Variants in GTF2IRD2 observed in about 807,000 individuals in gnomAD.
GTF2IRD2 encodes the protein general transcription factor II-I repeat domain-containing protein 2A.
A neutral mutation model predicts 49.2 loss-of-function variants in GTF2IRD2; 8 were observed. That is an observed-to-expected ratio of 0.16 (90% CI 0.10 to 0.29). GTF2IRD2 has a LOEUF of 0.29. GTF2IRD2 is among the 10% of genes least tolerant of loss of function. The pLI, the probability that GTF2IRD2 is intolerant of heterozygous loss-of-function variation, is 1.00. For missense variants in GTF2IRD2, 130 were observed against 725.7 expected, an observed-to-expected ratio of 0.18 and a Z score of 9.43; for synonymous variants, 47 against 289.7, an observed-to-expected ratio of 0.16 and a Z score of 8.51.
intron 10 of GTF2IRD2, among the ~76,000 whole-genome samples, chr7:74,809,828 CT>C (rs1416301958): frequency 7.8e-6 from 1 of 127,740 alleles, no homozygotes; most frequent in Non-Finnish European, 1.7e-5. Flanking sequence ...CAGTCTCACT[CT>C]GTCACCCAGG....
At chr7:74,815,790 GA>G in intron 8 of GTF2IRD2, among the ~76,000 whole-genome samples, 1 of 35,108 alleles carries the variant, frequency 2.8e-5, no homozygotes, top group South Asian at 1.0e-3. Flanking sequence ...AGGAAAGAAA[GA>G]AAGAAGGAAA....
At chr7:74,799,046 CT>C (rs1797283659) in intron 15 of GTF2IRD2, 1 of 122,558 alleles carries the variant, frequency 8.2e-6, no homozygotes, top group Non-Finnish European at 1.7e-5. Context: ...GGAGTCTTAC[CT>C]TGTTGCCCAG....
At position 74,841,524 on chromosome 7, in the gene GTF2IRD2, G is replaced by C. The variant is rs1482186011; in HGVS notation, c.-5-5141C>G. 6.7e-5 allele frequency among the ~76,000 whole-genome samples: 9 copies of C among 133,984 alleles called. 1 individual carries two copies. The highest frequency in any genetic ancestry group is 1.5e-5 in the Non-Finnish European group (1 of 66,332). 87.9% of individuals were successfully genotyped at this position (133,984 alleles called of 152,430 possible). On this transcript the variant is annotated intron_variant, in intron 1 of 15. Transcript: ENST00000451013. ...ACAATGTCACCCAGGCTGGAGTGCAGTGGCTTGATCATGGCTCCCTGCAGC... is the reference window on the plus strand; with the variant it reads ...ACAATGTCACCCAGGCTGGAGTGCACTGGCTTGATCATGGCTCCCTGCAGC...
In GTF2IRD2 at chr7:74,810,905, G is replaced by T. The variant is rs1798091413; in HGVS notation, c.796C>A (p.Pro266Thr). 2.3e-6 allele frequency: 1 copy of T among 439,384 alleles called. No homozygotes were observed. The highest frequency in any genetic ancestry group is 3.3e-5 in the South Asian group (1 of 30,270). 27.2% of individuals were successfully genotyped at this position (439,384 alleles called of 1,614,324 possible). The change falls in exon 10 of 16, where the codon CCA becomes ACA. Residue 266 changes from proline (P) to threonine (T), a missense_variant. Coordinates refer to ENST00000451013, the MANE Select transcript of GTF2IRD2 (RefSeq NM_173537.5). ...TSNEVIEMEL[P>T]MEDSTPLVPS... ...GCTGCATTTTTCTAACCTTCCATTG[G>T]TAATTCCATTTCTATTACTTCATTG...
chr7:74,824,115 G>A (rs1487321319), intron 4 of GTF2IRD2, among the ~76,000 whole-genome samples: 3 of 125,178 alleles, frequency 2.4e-5, no homozygotes, highest in African/African-American at 9.4e-5. Flanking sequence ...GCAGTGAGCC[G>A]AGATTGAGCC....
chr7:74,845,291 ATTAT>A (rs1554422332), intron 1 of GTF2IRD2, among the ~76,000 whole-genome samples: 1 of 152,292 alleles, frequency 6.6e-6, no homozygotes, highest in African/African-American at 2.4e-5. Flanking sequence ...TTTCATAATA[ATTAT>A]TATCATTTTT....
chr7:74,805,247 A>T, intron 12 of GTF2IRD2, among the ~76,000 whole-genome samples: 1 of 24,766 alleles, frequency 4.0e-5, no homozygotes. Flanking sequence ...CCCCGTTTCT[A>T]CTAAAAATAC....
chr7:74,830,313 G>A (rs1314987131), intron 3 of GTF2IRD2, among the ~76,000 whole-genome samples: 1 of 141,120 alleles, frequency 7.1e-6, no homozygotes, highest in Non-Finnish European at 1.5e-5. Flanking sequence ...GACCAGGCTG[G>A]ACAGCATGGG....
rs1332852783 is a variant in GTF2IRD2 at position 74,816,105 on chromosome 7, G to A, written c.671-3289C>T. Among the ~76,000 whole-genome samples, 2 of 38,764 alleles carry A rather than the reference G, an allele frequency of 5.2e-5. 1 individual carries two copies. The highest frequency in any genetic ancestry group is 8.6e-5 in the Non-Finnish European group (2 of 23,222). The allele number at this position is 38,764 out of a possible 152,430, so 25.4% of individuals were successfully genotyped here. On this transcript the variant is annotated intron_variant, in intron 8 of 15. Transcript: ENST00000451013. ...TGAGAACCACAGATCTAGCCCAACAGCTAGTGAGGAAGGAAACTCGGCCCC... is the reference window on the plus strand; with the variant it reads ...TGAGAACCACAGATCTAGCCCAACAACTAGTGAGGAAGGAAACTCGGCCCC...
At chr7:74,844,790 C>T (rs1487349104) in intron 1 of GTF2IRD2, among the ~76,000 whole-genome samples, 1 of 56,848 alleles carries the variant, frequency 1.8e-5, no homozygotes, top group Admixed American at 2.8e-4. Flanking sequence ...CGGGCTCAAG[C>T]AATCCTCGTG....
At chr7:74,833,221 T>TGTGTG in intron 2 of GTF2IRD2, among the ~76,000 whole-genome samples, 1 of 112,016 alleles carries the variant, frequency 8.9e-6, no homozygotes, top group African/African-American at 3.4e-5. Flanking sequence ...CCTGGCTAAT[T>TGTGTG]TGTGTGTGTG....
intron 1 of GTF2IRD2, 144 bp from the exon 2 acceptor site, chr7:74,836,527 G>T (rs1394638455): frequency 1.5e-6 from 1 of 663,176 alleles, no homozygotes; most frequent in Non-Finnish European, 2.7e-6. Flanking sequence ...TTAGTGACTT[G>T]CCCATGAGCT....
At chr7:74,826,976 G>A (rs1216173961) in intron 3 of GTF2IRD2, among the ~76,000 whole-genome samples, 11 of 151,994 alleles carry the variant, frequency 7.2e-5, no homozygotes, top group Non-Finnish European at 1.3e-4. Flanking sequence ...CTCCCAAAGT[G>A]CTTGGATTAT....
intron 3 of GTF2IRD2, among the ~76,000 whole-genome samples, chr7:74,828,676 GAA>G (rs71288132): frequency 4.6e-5 from 1 of 21,616 alleles, no homozygotes; most frequent in Non-Finnish European, 1.1e-4. Flanking sequence ...CCATCTCAAA[GAA>G]AAAAAAAAAA....
rs144568506 is a variant in GTF2IRD2, at chr7:74,824,199, C to T, written c.358+734G>A. 5.3e-3 allele frequency among the ~76,000 whole-genome samples: 656 copies of T among 124,282 alleles called. 4 individuals are homozygous for T. Among genetic ancestry groups the T allele is most frequent in the East Asian group, 0.011 (45 of 4,236 alleles). The allele number at this position is 124,282 out of a possible 152,430, so 81.5% of individuals were successfully genotyped here. On this transcript the variant is annotated intron_variant, in intron 4 of 15. Coordinates refer to ENST00000451013, the MANE Select transcript of GTF2IRD2 (RefSeq NM_173537.5). ...AAAAAGAACTGGTGGCCAGGCACGG[C>T]GGCTCACACCTGTAATCTCAGCATT...
At chr7:74,842,734 T>A (rs587725919) in intron 1 of GTF2IRD2, among the ~76,000 whole-genome samples, 1 of 144,112 alleles carries the variant, frequency 6.9e-6, no homozygotes, top group East Asian at 2.0e-4. Context: ...AATTTTCTAT[T>A]TTTGTAAAGA....
chr7:74,830,343 A>G (rs1353624775), intron 3 of GTF2IRD2, among the ~76,000 whole-genome samples: 1 of 146,282 alleles, frequency 6.8e-6, no homozygotes, highest in Non-Finnish European at 1.5e-5. Context: ...TCTCTACTAA[A>G]AAATACAAAA....
chr7:74,829,961 T>C (rs1270666513), intron 3 of GTF2IRD2, among the ~76,000 whole-genome samples: 4 of 150,040 alleles, frequency 2.7e-5, no homozygotes, highest in African/African-American at 4.9e-5. Context: ...AAGAGCAAAT[T>C]TGGAGGTCTC....
intron 1 of GTF2IRD2, among the ~76,000 whole-genome samples, chr7:74,844,843 A>C (rs1801130651): frequency 3.9e-5 from 3 of 76,900 alleles, no homozygotes; most frequent in South Asian, 4.8e-4. Context: ...ACGTGCCATC[A>C]TGCCCAGCTC....
Sources: gnomAD v4.1 joint callset for allele counts (sites outside exome capture counted in the v4.1 genomes callset) on GRCh38, gnomAD v4.1.1 for gene constraint, MANE v1.5 for transcripts, NCBI Gene and HGNC (gene_info 2026-07-23, HGNC 2026-07-21) for gene names.